The following ESR2 variants were observed in gnomAD, a reference collection of about 807,000 sequenced individuals.
ESR2 encodes estrogen receptor beta.
A neutral mutation model predicts 49.6 loss-of-function variants in ESR2; 36 were observed. The observed-to-expected ratio is 0.73, with a 90% CI of 0.56 to 0.96. ESR2 has a LOEUF of 0.96. Ranked by LOEUF, ESR2 falls within the 40% of genes least tolerant of loss-of-function variation. ESR2 has a pLI of 0.00. For missense variants in ESR2, 714 were observed against 693.0 expected, an observed-to-expected ratio of 1.03 and a Z score of -0.34; for synonymous variants, 320 against 266.1, an observed-to-expected ratio of 1.20 and a Z score of -1.97.
Position 64,233,314 on chromosome 14 carries a change from G to A in ESR2, c.1416C>T (p.Gly472=), listed in dbSNP as rs1437163831. The A allele has an allele frequency of 6.2e-7, 1 of 1,611,712 alleles. No individual in the cohort carries two copies. The highest frequency in any genetic ancestry group is 1.1e-5 in the South Asian group (1 of 91,030). Reference sequence around the variant, plus strand: ...ACTTCATGTTGAGCAGATGTTCCATGCCCTTGTTACTATGGGGACAAAAAG... The same window carrying A: ...ACTTCATGTTGAGCAGATGTTCCATACCCTTGTTACTATGGGGACAAAAAG... ...LSHVRHASNK[G]MEHLLNMKCK... is the part of the protein sequence containing the mutation. The change falls in exon 9 of 9, where the codon GGC becomes GGT. Residue 472 remains glycine, a synonymous_variant. Transcript: ENST00000341099.
At chr14:64,310,017 CAG>C (rs1475555222) in intron 1 of ESR2, among the ~76,000 whole-genome samples, 2 of 152,008 alleles carry the variant, frequency 1.3e-5, no homozygotes, top group Non-Finnish European at 2.9e-5. Flanking sequence ...ACCCGGGAAG[CAG>C]AGTTTGCAGT....
rs773535672 is a variant in ESR2 at position 64,282,869 on chromosome 14, G to T, written c.117C>A (p.Ser39Arg). 2 of 1,614,094 alleles carry T rather than the reference G, an allele frequency of 1.2e-6. No homozygotes were observed. Residue 39 changes from serine to arginine, a missense_variant, in exon 2 of 9, where the codon AGC becomes AGA. Coordinates refer to ENST00000341099, the MANE Select transcript of ESR2 (RefSeq NM_001437.3). ...ATGTCATGGCTGGATATTCATGGTG[G>T]CTGTCTACATAGGAGGAAGGTATGT... Reference protein sequence around the residue: ...SIYIPSSYVDSHHEYPAMTFY... With the variant: ...SIYIPSSYVDRHHEYPAMTFY...
intron 7 of ESR2, among the ~76,000 whole-genome samples, chr14:64,240,233 A>G (rs905265575): frequency 6.6e-6 from 1 of 152,272 alleles, no homozygotes; most frequent in Non-Finnish European, 1.5e-5. Context: ...ACAGGAAAAC[A>G]GGAGACCAAA....
Position 64,233,055 on chromosome 14 carries a change from G to C in ESR2, c.*82C>G. 6.5e-7 allele frequency: 1 copy of C among 1,537,314 alleles called. No individual in the cohort carries two copies. Among genetic ancestry groups the C allele is most frequent in the Non-Finnish European group, 8.8e-7 (1 of 1,139,650 alleles). On this transcript the variant is annotated 3_prime_UTR_variant, in exon 9 of 9. Coordinates refer to ENST00000341099, the MANE Select transcript of ESR2 (RefSeq NM_001437.3). Reference sequence around the variant, plus strand: ...CAAATGAGGGACCACACAGCAGAAAGATGAAGCCCAGGCTCCTGACACACT... The same window carrying C: ...CAAATGAGGGACCACACAGCAGAAACATGAAGCCCAGGCTCCTGACACACT...
At position 64,260,675 on chromosome 14, in the gene ESR2, G is replaced by C; in HGVS notation, c.726C>G (p.Ala242=). ...GGCCGCCACTTCTCTTGGCCTTGCC[G>C]GCACAGTGCAGCTGCTCGTCGGCAC... ...QRSADEQLHC[A]GKAKRSGGHA... The change falls in exon 5 of 9, where the codon GCC becomes GCG. Residue 242 remains alanine (A), a synonymous_variant. Transcript: ENST00000341099. 14 of 1,574,278 alleles carry C rather than the reference G, an allele frequency of 8.9e-6. No homozygotes were observed. The highest frequency in any genetic ancestry group is 1.2e-5 in the Non-Finnish European group (14 of 1,157,440).
chr14:64,240,691 A>C (rs936974692), intron 7 of ESR2, among the ~76,000 whole-genome samples: 2 of 152,238 alleles, frequency 1.3e-5, no homozygotes, highest in African/African-American at 4.8e-5. Flanking sequence ...CTGTACTTCC[A>C]GTACACATAC....
At chr14:64,309,834 C>G (rs1162852041) in intron 1 of ESR2, among the ~76,000 whole-genome samples, 1 of 152,050 alleles carries the variant, frequency 6.6e-6, no homozygotes, top group Non-Finnish European at 1.5e-5. Flanking sequence ...CGCCTGTAAT[C>G]CCAGCACTTT....
chr14:64,302,203 T>C (rs1567790345), intron 1 of ESR2, among the ~76,000 whole-genome samples: 4 of 149,958 alleles, frequency 2.7e-5, no homozygotes, highest in African/African-American at 9.8e-5. Context: ...TTTATTTATT[T>C]TTTGAGACAG....
chr14:64,318,537 C>CAAAAAAAAAAAAAAA (rs58597271), intron 1 of ESR2, among the ~76,000 whole-genome samples: 20 of 32,426 alleles, frequency 6.2e-4, no homozygotes, highest in African/African-American at 1.3e-3. Context: ...AACTCCATCT[C>CAAAAAAAAAAAAAAA]AAAAAAAAAA....
intron 3 of ESR2, among the ~76,000 whole-genome samples, chr14:64,278,777 C>T (rs1334886814): frequency 2.0e-5 from 3 of 152,178 alleles, no homozygotes; most frequent in Non-Finnish European, 4.4e-5. Context: ...GGGTGCACAA[C>T]TTGAAGTTTA....
chr14:64,280,071 A>G lies in ESR2; in HGVS notation c.445T>C (p.Cys149Arg). Residue 149 changes from cysteine (C) to arginine (R), a missense_variant, in exon 3 of 9, where the codon TGC becomes CGC. Transcript: ENST00000341099. ...GATGCGTAATCGCTGCAGACAGCGC[A>G]GAAGTGAGCATCCCTCTTTGAACCT... ...GPGSKRDAHF[C>R]AVCSDYASGY... is the part of the protein sequence containing the mutation. 2 of 1,614,124 alleles carry G rather than the reference A, an allele frequency of 1.2e-6. No individual in the cohort carries two copies. Among genetic ancestry groups the G allele is most frequent in the Non-Finnish European group, 1.7e-6 (2 of 1,179,926 alleles).
intron 1 of ESR2, among the ~76,000 whole-genome samples, chr14:64,292,519 C>G (rs1189200244): frequency 6.6e-6 from 1 of 152,150 alleles, no homozygotes; most frequent in Non-Finnish European, 1.5e-5. Context: ...AAACAATGTG[C>G]TAGACACTGA....
At chr14:64,301,652 C>G (rs915101499) in intron 1 of ESR2, 1 of 152,142 alleles carries the variant, frequency 6.6e-6, no homozygotes. Flanking sequence ...GGGATGGAAC[C>G]CAGGCTTGGA....
chr14:64,317,502 A>G (rs1237410503), intron 1 of ESR2, among the ~76,000 whole-genome samples: 1 of 152,108 alleles, frequency 6.6e-6, no homozygotes, highest in East Asian at 1.9e-4. Context: ...GGAGCCACAC[A>G]CTTTTAAATT....
intron 1 of ESR2, among the ~76,000 whole-genome samples, chr14:64,309,157 T>G (rs143284927): frequency 6.6e-6 from 1 of 152,268 alleles, no homozygotes; most frequent in Admixed American, 6.5e-5. Flanking sequence ...ACCACAAAAG[T>G]GGAATTATCT....
At chr14:64,328,024 T>C (rs2077410345) in intron 1 of ESR2, among the ~76,000 whole-genome samples, 2 of 138,640 alleles carry the variant, frequency 1.4e-5, no homozygotes, top group South Asian at 2.2e-4. Context: ...CTGGCTAACA[T>C]GGTGAAACCT....
At chr14:64,247,070 T>C (rs1174410330) in intron 7 of ESR2, among the ~76,000 whole-genome samples, 2 of 152,178 alleles carry the variant, frequency 1.3e-5, no homozygotes, top group Non-Finnish European at 2.9e-5. Flanking sequence ...TCTTGGACAG[T>C]ATCCTGTGCT....
chr14:64,243,699 A>G (rs1256059), intron 7 of ESR2, among the ~76,000 whole-genome samples: 99,487 of 152,058 alleles, frequency 0.65, 34,130 homozygotes, highest in African/African-American at 0.88. Context: ...AGTGCCCAAT[A>G]CCCAGTGAAC....
rs1373536264 is a variant in ESR2, at chr14:64,287,187, T to C, written c.-90-4112A>G. ...ATCTTGCAAAACTAAAACTCTCTGT[T>C]AAACAAATTCCCCACTCCTCCCTTC... On this transcript the variant is annotated intron_variant, in intron 1 of 8. Transcript: ENST00000341099. Among the ~76,000 whole-genome samples, 6 of 152,140 alleles carry C rather than the reference T, an allele frequency of 3.9e-5. 1 individual carries two copies. The highest frequency in any genetic ancestry group is 8.8e-5 in the Non-Finnish European group (6 of 68,026).
Sources: gnomAD v4.1 joint callset for allele counts (sites outside exome capture counted in the v4.1 genomes callset) on GRCh38, gnomAD v4.1.1 for gene constraint, MANE v1.5 for transcripts, NCBI Gene and HGNC (gene_info 2026-07-23, HGNC 2026-07-21) for gene names.